Variants in CDH13 observed in about 807,000 individuals in gnomAD.
The protein encoded by CDH13 is cadherin 13.
Under a neutral mutation model 63.8 loss-of-function variants are expected in CDH13, and 24 were observed. The observed-to-expected ratio is 0.38, with a 90% CI of 0.27 to 0.53. CDH13 has a LOEUF of 0.53. Among genes scored for constraint, CDH13 ranks in the 20% least tolerant of loss-of-function variants. The pLI is 0.85. For missense variants in CDH13, 1,049 were observed against 903.1 expected, an observed-to-expected ratio of 1.16 and a Z score of -2.07; for synonymous variants, 503 against 355.3, an observed-to-expected ratio of 1.42 and a Z score of -4.67.
chr16:82,909,731 G>A (rs886943477), intron 2 of CDH13, among the ~76,000 whole-genome samples: 4 of 152,124 alleles, frequency 2.6e-5, no homozygotes, highest in East Asian at 1.9e-4. Context: ...ACCTCCCACC[G>A]GGTTCCTCCC....
chr16:83,012,750 C>A (rs532267508), intron 2 of CDH13, among the ~76,000 whole-genome samples: 3 of 152,066 alleles, frequency 2.0e-5, no homozygotes, highest in African/African-American at 7.2e-5. Context: ...CCATTTGGCA[C>A]TTCAGGGTAT....
At chr16:83,434,969 TTATA>T (rs1281982976) in intron 6 of CDH13, among the ~76,000 whole-genome samples, 1 of 142,602 alleles carries the variant, frequency 7.0e-6, no homozygotes, top group Non-Finnish European at 1.5e-5. Context: ...GGGGTTTTAT[TTATA>T]TAAATAAATA....
intron 7 of CDH13, among the ~76,000 whole-genome samples, chr16:83,515,138 A>G (rs914570778): frequency 1.3e-5 from 2 of 152,014 alleles, no homozygotes; most frequent in Non-Finnish European, 1.5e-5. Flanking sequence ...ACGTCATTCC[A>G]TGTTTCTGAG....
intron 3 of CDH13, among the ~76,000 whole-genome samples, chr16:83,120,925 A>G (rs7198644): frequency 0.036 from 5,449 of 151,802 alleles, 284 homozygotes; most frequent in African/African-American, 0.12. Flanking sequence ...CACCACACCT[A>G]GCTAATTTTT....
intron 6 of CDH13, among the ~76,000 whole-genome samples, chr16:83,374,150 C>A (rs565763949): frequency 6.6e-6 from 1 of 152,184 alleles, no homozygotes; most frequent in Non-Finnish European, 1.5e-5. Context: ...AAGACTGGAT[C>A]CACATAACCT....
At chr16:83,216,817 T>C (rs1285914112) in intron 4 of CDH13, among the ~76,000 whole-genome samples, 2 of 151,160 alleles carry the variant, frequency 1.3e-5, no homozygotes, top group East Asian at 3.9e-4. Context: ...TGTGTATATA[T>C]GTGTATATAT....
intron 1 of CDH13, among the ~76,000 whole-genome samples, chr16:82,819,184 A>G (rs2037876086): frequency 6.6e-6 from 1 of 152,238 alleles, no homozygotes; most frequent in African/African-American, 2.4e-5. Context: ...TCTGATTGCT[A>G]GGTGAGTAAT....
chr16:83,656,053 G>A (rs1912840562), intron 8 of CDH13, among the ~76,000 whole-genome samples: 1 of 152,024 alleles, frequency 6.6e-6, no homozygotes. Context: ...TCACCCGAGG[G>A]GAAACTTTAC....
At chr16:83,278,283 C>T (rs2089055379) in intron 5 of CDH13, among the ~76,000 whole-genome samples, 1 of 152,218 alleles carries the variant, frequency 6.6e-6, no homozygotes, top group South Asian at 2.1e-4. Flanking sequence ...TAAACCAGAT[C>T]CAGCTTAAAG....
At chr16:83,332,090 C>G (rs577217857) in intron 5 of CDH13, among the ~76,000 whole-genome samples, 1 of 152,082 alleles carries the variant, frequency 6.6e-6, no homozygotes, top group East Asian at 1.9e-4. Flanking sequence ...ACACTATGAA[C>G]TTTTTCTAAT....
At chr16:83,394,241 A>G (rs1399168845) in intron 6 of CDH13, among the ~76,000 whole-genome samples, 1 of 152,138 alleles carries the variant, frequency 6.6e-6, no homozygotes, top group African/African-American at 2.4e-5. Context: ...CCTGAACCTA[A>G]AAGTTTTAAA....
At chr16:83,133,713 G>A (rs2036155655) in intron 4 of CDH13, among the ~76,000 whole-genome samples, 1 of 152,152 alleles carries the variant, frequency 6.6e-6, no homozygotes, top group South Asian at 2.1e-4. Context: ...TGGTCAGGCT[G>A]GTCTCAAACT....
chr16:83,686,561 C>T (rs1904327716), intron 10 of CDH13, among the ~76,000 whole-genome samples: 1 of 152,220 alleles, frequency 6.6e-6, no homozygotes, highest in Admixed American at 6.5e-5. Flanking sequence ...AGTGTCTTTA[C>T]ATTTGCAAAC....
rs538746649 is a variant in CDH13 at position 82,838,548 on chromosome 16, T to A, written c.46-19814T>A. On this transcript the variant is annotated intron_variant, in intron 1 of 13. Coordinates refer to ENST00000567109, the MANE Select transcript of CDH13 (RefSeq NM_001257.5). ...ACAGGGAAATTCACCAAAGTAATAG[T>A]AATATCATGAAGATGCTCATTGCTT... is the stretch of plus-strand genomic sequence containing the variant. Among the ~76,000 whole-genome samples the A allele has an allele frequency of 2.9e-4, 44 of 152,356 alleles. No homozygotes were observed. The South Asian group carries it at 5.2e-3, about 18-fold the overall frequency.
chr16:82,663,001 G>A (rs546846278), intron 1 of CDH13, among the ~76,000 whole-genome samples: 1 of 152,208 alleles, frequency 6.6e-6, no homozygotes, highest in Non-Finnish European at 1.5e-5. Flanking sequence ...TTTCAGAAAG[G>A]GCTAGCTGAC....
At chr16:82,876,726 C>A (rs1345714575) in intron 2 of CDH13, among the ~76,000 whole-genome samples, 1 of 152,134 alleles carries the variant, frequency 6.6e-6, no homozygotes. Flanking sequence ...ATTGGCCTGG[C>A]ATTGGGTCAA....
At chr16:82,649,194 A>G (rs1341930724) in intron 1 of CDH13, among the ~76,000 whole-genome samples, 5 of 152,220 alleles carry the variant, frequency 3.3e-5, no homozygotes, top group African/African-American at 1.2e-4. Flanking sequence ...ATGACATAAT[A>G]GAAGATTAGA....
intron 1 of CDH13, chr16:82,825,960 T>G (rs1279398202): frequency 6.6e-6 from 1 of 152,088 alleles, no homozygotes; most frequent in Non-Finnish European, 1.5e-5. Context: ...TTCAAGTGAT[T>G]CCCCTGCCTC....
At chr16:82,702,004 C>G (rs2031069528) in intron 1 of CDH13, among the ~76,000 whole-genome samples, 1 of 152,142 alleles carries the variant, frequency 6.6e-6, no homozygotes, top group Admixed American at 6.6e-5. Context: ...TTACAAAGAG[C>G]AAATAATCGT....
Sources: allele counts gnomAD v4.1 joint callset (sites outside exome capture counted in the v4.1 genomes callset), GRCh38; gene constraint gnomAD v4.1.1; transcripts MANE v1.5; gene names NCBI Gene and HGNC (gene_info 2026-07-23, HGNC 2026-07-21).